The following QRFPR variants were observed in gnomAD, a reference collection of about 807,000 sequenced individuals.
The protein encoded by QRFPR is pyroglutamylated RF-amide peptide receptor.
A neutral mutation model predicts 31.3 loss-of-function variants in QRFPR; 37 were observed. The observed-to-expected ratio is 1.18, with a 90% CI of 0.91 to 1.56. The LOEUF is 1.56. Ranked by LOEUF, QRFPR falls within the 40% of genes most tolerant of loss-of-function variation. The pLI is 0.00. For missense variants in QRFPR, 542 were observed against 532.5 expected, an observed-to-expected ratio of 1.02 and a Z score of -0.18; for synonymous variants, 197 against 192.0, an observed-to-expected ratio of 1.03 and a Z score of -0.22.
intron 1 of QRFPR, among the ~76,000 whole-genome samples, chr4:121,354,533 A>T (rs1725829271): frequency 6.6e-6 from 1 of 151,788 alleles, no homozygotes; most frequent in African/African-American, 2.4e-5. Context: ...TTCAATTTGG[A>T]TGTCATTTAT....
At chr4:121,371,256 A>C (rs1726239950) in intron 1 of QRFPR, among the ~76,000 whole-genome samples, 1 of 152,224 alleles carries the variant, frequency 6.6e-6, no homozygotes, top group Non-Finnish European at 1.5e-5. Context: ...AGTTTTGCAA[A>C]GACAGATAAA....
chr4:121,336,656 A>T, intron 3 of QRFPR, 151 bp downstream of exon 3: 1 of 713,438 alleles, frequency 1.4e-6, no homozygotes, highest in South Asian at 1.6e-5. Context: ...AACCTTAAAA[A>T]ATCATTTTAT....
intron 1 of QRFPR, among the ~76,000 whole-genome samples, chr4:121,353,298 T>C (rs1211652545): frequency 3.3e-5 from 5 of 152,092 alleles, no homozygotes; most frequent in Admixed American, 2.6e-4. Flanking sequence ...TCCATACTGT[T>C]TTCCATAGTA....
At chr4:121,371,798 G>T (rs1018692735) in intron 1 of QRFPR, among the ~76,000 whole-genome samples, 1 of 152,188 alleles carries the variant, frequency 6.6e-6, no homozygotes, top group African/African-American at 2.4e-5. Context: ...TTTCCAAGGG[G>T]CTTAGTGGCT....
At chr4:121,343,075 C>T (rs995159263) in intron 1 of QRFPR, among the ~76,000 whole-genome samples, 2 of 152,156 alleles carry the variant, frequency 1.3e-5, no homozygotes, top group East Asian at 3.9e-4. Context: ...GGCCATGCAC[C>T]AGGCAGAAGG....
At chr4:121,354,280 A>T (rs770258945) in intron 1 of QRFPR, among the ~76,000 whole-genome samples, 21 of 152,004 alleles carry the variant, frequency 1.4e-4, no homozygotes, top group Non-Finnish European at 8.8e-5. Context: ...ATTGTATTTA[A>T]TTTGTATATT....
At chr4:121,353,101 T>C (rs915200053) in intron 1 of QRFPR, among the ~76,000 whole-genome samples, 1 of 152,120 alleles carries the variant, frequency 6.6e-6, no homozygotes, top group African/African-American at 2.4e-5. Flanking sequence ...CCACATATTC[T>C]TTATCAATTC....
At chr4:121,334,586 T>C in intron 3 of QRFPR, 1 of 351,486 alleles carries the variant, frequency 2.8e-6, no homozygotes, top group South Asian at 2.3e-5. Context: ...TGTGCTCTTC[T>C]CTCTCTTAAA....
At chr4:121,380,237 G>GGC in intron 1 of QRFPR, 71 bp downstream of exon 1, 1 of 1,037,604 alleles carries the variant, frequency 9.6e-7, no homozygotes, top group Non-Finnish European at 1.4e-6. Flanking sequence ...GAGAGAGAGA[G>GGC]AGAGAGAGAG....
intron 1 of QRFPR, among the ~76,000 whole-genome samples, chr4:121,342,670 C>A (rs560301620): frequency 6.6e-6 from 1 of 151,856 alleles, no homozygotes; most frequent in Non-Finnish European, 1.5e-5. Context: ...TTATTTACCC[C>A]TACTAAAATA....
chr4:121,350,545 G>T (rs184133048), intron 1 of QRFPR, among the ~76,000 whole-genome samples: 4 of 152,216 alleles, frequency 2.6e-5, no homozygotes, highest in African/African-American at 9.6e-5. Context: ...ACAAAGAATG[G>T]TTTACATTGA....
chr4:121,343,757 A>T (rs558928888), intron 1 of QRFPR, among the ~76,000 whole-genome samples: 1 of 152,218 alleles, frequency 6.6e-6, no homozygotes, highest in Non-Finnish European at 1.5e-5. Flanking sequence ...AAGGAAATAT[A>T]TTTTAAATAC....
At chr4:121,340,240 A>T in intron 2 of QRFPR, 1 of 566,726 alleles carries the variant, frequency 1.8e-6, no homozygotes, top group Admixed American at 3.0e-5. Flanking sequence ...GAAAAAGTAT[A>T]CCCAAAATGA....
At chr4:121,366,013 C>A (rs897362114) in intron 1 of QRFPR, among the ~76,000 whole-genome samples, 2 of 148,908 alleles carry the variant, frequency 1.3e-5, no homozygotes, top group East Asian at 4.1e-4. Context: ...AAGATCATGG[C>A]AGACTTTCAC....
At chr4:121,352,914 C>T (rs1725791243) in intron 1 of QRFPR, among the ~76,000 whole-genome samples, 1 of 151,996 alleles carries the variant, frequency 6.6e-6, no homozygotes, top group South Asian at 2.1e-4. Context: ...TACTCTATCT[C>T]CAAAAGTTCA....
chr4:121,333,148 A>G (rs1023599033), intron 3 of QRFPR, 92 bp from the exon 4 acceptor site: 4 of 784,178 alleles, frequency 5.1e-6, no homozygotes, highest in African/African-American at 3.5e-5. Context: ...ACATTTTTTA[A>G]GTTCTTTCAA....
intron 1 of QRFPR, among the ~76,000 whole-genome samples, chr4:121,358,335 A>G (rs1355906352): frequency 6.6e-6 from 1 of 152,292 alleles, no homozygotes; most frequent in East Asian, 1.9e-4. Flanking sequence ...TCTGATGTAA[A>G]TACTCCTGAC....
chr4:121,337,972 A>G (rs1325341743), intron 2 of QRFPR, among the ~76,000 whole-genome samples: 1 of 152,140 alleles, frequency 6.6e-6, no homozygotes, highest in Non-Finnish European at 1.5e-5. Context: ...TGTTCTTTCT[A>G]TATTGGGTGG....
At position 121,380,313 on chromosome 4, in the gene QRFPR, A is replaced by C; in HGVS notation, c.335T>G (p.Leu112Arg). ...GAGCGGGGCGCGACTCTTACCCCCC[A>C]GCCAGTTGTCGGAAATGTTCTGGAG... ...TMLQNISDNW[L>R]GGAFICKMVP... The change falls in exon 1 of 6, where the codon CTG (leucine) becomes CGG (arginine). Residue 112 changes from leucine to arginine, a missense_variant. Transcript: ENST00000394427. 1.2e-6 allele frequency: 2 copies of C among 1,611,086 alleles called. No individual in the cohort carries two copies. The highest frequency in any genetic ancestry group is 1.1e-5 in the South Asian group (1 of 90,932).
Sources: allele counts gnomAD v4.1 joint callset (sites outside exome capture counted in the v4.1 genomes callset), GRCh38; gene constraint gnomAD v4.1.1; transcripts MANE v1.5; gene names NCBI Gene and HGNC (gene_info 2026-07-23, HGNC 2026-07-21).